The following VWF variants were observed in gnomAD, a reference collection of about 807,000 sequenced individuals.
The protein encoded by VWF is Factor VIII related antigen.
In VWF, 176 loss-of-function variants were observed where a neutral mutation model predicts 308.6. The ratio of observed to expected loss-of-function variants is 0.57; its 90% CI spans 0.50 to 0.65. The LOEUF (loss-of-function observed/expected upper bound fraction) is 0.65, where lower values mean the gene tolerates loss of function less well. Ranked by LOEUF, VWF falls within the 30% of genes least tolerant of loss-of-function variation. VWF has a pLI of 0.00. For missense variants in VWF, 3,146 were observed against 3,648.2 expected, an observed-to-expected ratio of 0.86 and a Z score of 3.55; for synonymous variants, 1,385 against 1,443.4, an observed-to-expected ratio of 0.96 and a Z score of 0.92.
chr12:5,972,983 T>G (rs148116124), intron 43 of VWF, among the ~76,000 whole-genome samples: 5 of 152,322 alleles, frequency 3.3e-5, no homozygotes, highest in Non-Finnish European at 4.4e-5. Context: ...GAGATTCGCA[T>G]ATTATTTTTG....
At position 6,060,899 on chromosome 12, in the gene VWF, G is replaced by A. The variant is rs913999887; in HGVS notation, c.1533+2055C>T. ...CACCCTCTCTGTGAGGTGGGAAGAT[G>A]CTGAGAAAGTGGACTGGCTGGCCGG... On this transcript the variant is annotated intron_variant, in intron 13 of 51. Transcript: ENST00000261405. This position sits in a 1 kb window ranked among gnomAD's most constrained non-coding sequence, Gnocchi z 5.1. Among the ~76,000 whole-genome samples the A allele has an allele frequency of 6.6e-6, 1 of 152,176 alleles. No individual in the cohort carries two copies. The highest frequency in any genetic ancestry group is 2.4e-5 in the African/African-American group (1 of 41,452).
Position 6,022,604 on chromosome 12 carries a change from C to T in VWF, c.3538+136G>A, listed in dbSNP as rs530518941. 1.7e-3 allele frequency: 394 copies of T among 233,052 alleles called. 3 individuals are homozygous for T. The highest frequency in any genetic ancestry group is 0.01 in the African/African-American group (374 of 36,490). 14.4% of individuals were successfully genotyped at this position (233,052 alleles called of 1,614,324 possible). On this transcript the variant is annotated intron_variant, in intron 26 of 51. Transcript: ENST00000261405. ...GTCCTGACTCTGATGAAAGAACCCA[C>T]GGAACCTGCAGCAGCCTTGCAGGTC...
chr12:6,095,771 C>A (rs1945099672), intron 5 of VWF, 187 bp from the exon 6 acceptor site: 1 of 756,218 alleles, frequency 1.3e-6, no homozygotes. Context: ...CACTACTGAG[C>A]AGCACAGGAG....
chr12:5,991,126 T>C (rs1295103397), intron 38 of VWF, among the ~76,000 whole-genome samples: 2 of 150,660 alleles, frequency 1.3e-5, no homozygotes, highest in South Asian at 2.1e-4. Context: ...TGACACAGGA[T>C]ACAATAATGT....
At chr12:6,057,701 G>C in intron 14 of VWF, 148 bp downstream of exon 14, 1 of 915,588 alleles carries the variant, frequency 1.1e-6, no homozygotes, top group Non-Finnish European at 1.6e-6. Flanking sequence ...AGATGATCAA[G>C]TGCTGACGGT....
rs1481290680 is a variant in VWF at position 6,011,867 on chromosome 12, A to C, written c.5665-73T>G. ...CCAACTCTAAGCCCATCTGCCAGAC[A>C]ACTGACCCCTAGAATTGAACACAGG... is the stretch of plus-strand genomic sequence containing the variant. On this transcript the variant is annotated intron_variant, in intron 33 of 51. Transcript: ENST00000261405. 8.4e-6 allele frequency: 12 copies of C among 1,433,834 alleles called. No individual in the cohort carries two copies. In the East Asian group the frequency reaches 2.7e-4, roughly 33 times the overall value. 88.8% of individuals were successfully genotyped at this position (1,433,834 alleles called of 1,614,324 possible). A position where few individuals can be genotyped will look rare whatever the true frequency, so the allele number is the denominator to read the frequency against.
chr12:6,034,841 G>C lies in VWF; in HGVS notation c.2547-15C>G. 1 of 1,613,278 alleles carries C rather than the reference G, an allele frequency of 6.2e-7. No individual in the cohort carries two copies. The highest frequency in any genetic ancestry group is 2.2e-5 in the East Asian group (1 of 44,850). On this transcript the variant is annotated splice_polypyrimidine_tract_variant and intron_variant, in intron 19 of 51. Transcript: ENST00000261405. ...CCTGACAGACACTAGGAGCAGTCATGGCAGAGATGACAAGTTGGGCACCTT... is the reference window on the plus strand; with the variant it reads ...CCTGACAGACACTAGGAGCAGTCATCGCAGAGATGACAAGTTGGGCACCTT...
At chr12:6,082,554 C>A (rs1459675982) in intron 6 of VWF, among the ~76,000 whole-genome samples, 1 of 152,220 alleles carries the variant, frequency 6.6e-6, no homozygotes, top group Non-Finnish European at 1.5e-5. Context: ...TGAACTGTAA[C>A]CTAACTGGAG....
intron 3 of VWF, among the ~76,000 whole-genome samples, chr12:6,118,165 G>A (rs866958352): frequency 2.0e-5 from 3 of 152,064 alleles, no homozygotes; most frequent in Admixed American, 2.0e-4. Flanking sequence ...GGGGAAGGGA[G>A]CTTTTTCAAC....
chr12:5,993,722 A>T (rs540505903), intron 37 of VWF, 140 bp downstream of exon 37: 14 of 705,696 alleles, frequency 2.0e-5, no homozygotes, highest in African/African-American at 3.6e-5. Flanking sequence ...ATCTTATTTG[A>T]TCCTAACTGG....
chr12:5,983,739 T>A (rs1242080721), intron 40 of VWF, among the ~76,000 whole-genome samples: 2 of 149,264 alleles, frequency 1.3e-5, no homozygotes, highest in African/African-American at 4.9e-5. Flanking sequence ...GTTAGATAGA[T>A]TAGACAGACA....
At chr12:6,084,582 G>C (rs1421213286) in intron 6 of VWF, among the ~76,000 whole-genome samples, 1 of 152,174 alleles carries the variant, frequency 6.6e-6, no homozygotes, top group Non-Finnish European at 1.5e-5. Context: ...CAGGAGGAGA[G>C]AAAGCAGAGC....
intron 5 of VWF, among the ~76,000 whole-genome samples, chr12:6,100,806 TG>T (rs1463960759): frequency 1.3e-5 from 2 of 152,240 alleles, no homozygotes; most frequent in Admixed American, 1.3e-4. Context: ...GACGAGTTAA[TG>T]GGTGCAGCAC....
chr12:5,956,774 CA>C (rs1943256538), intron 47 of VWF, among the ~76,000 whole-genome samples: 1 of 151,686 alleles, frequency 6.6e-6, no homozygotes, highest in Non-Finnish European at 1.5e-5. Flanking sequence ...AGTGTTATTA[CA>C]AGAATCAAAA....
intron 18 of VWF, among the ~76,000 whole-genome samples, chr12:6,039,348 C>T (rs1402721430): frequency 6.6e-6 from 1 of 152,178 alleles, no homozygotes; most frequent in Non-Finnish European, 1.5e-5. Context: ...GGTCTTGTTA[C>T]CTTTCTCTGA....
intron 27 of VWF, 31 bp downstream of exon 27, chr12:6,021,869 T>A (rs754106010): frequency 6.2e-6 from 10 of 1,614,004 alleles, no homozygotes; most frequent in South Asian, 3.3e-5. Flanking sequence ...ATAAGATTCA[T>A]CACTTCAAAC....
At position 6,096,503 on chromosome 12, in the gene VWF, A is replaced by G. The variant is rs577593484; in HGVS notation, c.533-919T>C. Reference sequence around the variant, plus strand: ...TTCTTTTTGCTCATATTCATCTCCCATTCAACTGTGAGCTCCTTACTTAAG... The same window carrying G: ...TTCTTTTTGCTCATATTCATCTCCCGTTCAACTGTGAGCTCCTTACTTAAG... On this transcript the variant is annotated intron_variant, in intron 5 of 51. Transcript: ENST00000261405. Among the ~76,000 whole-genome samples, 139 of 152,260 alleles carry G rather than the reference A, an allele frequency of 9.1e-4. 1 individual carries two copies. The highest frequency in any genetic ancestry group is 1.8e-3 in the Non-Finnish European group (122 of 68,006).
intron 6 of VWF, among the ~76,000 whole-genome samples, chr12:6,090,020 C>T (rs1049178518): frequency 1.3e-5 from 2 of 152,040 alleles, no homozygotes; most frequent in African/African-American, 4.8e-5. Context: ...TGCAGTAGTG[C>T]AATCTCGGCT....
chr12:6,002,471 C>T (rs1359778298), intron 34 of VWF, among the ~76,000 whole-genome samples: 24 of 151,622 alleles, frequency 1.6e-4, no homozygotes, highest in Admixed American at 1.6e-3. Flanking sequence ...TATATACAAA[C>T]AATAAACAAA....
Sources: allele counts gnomAD v4.1 joint callset (sites outside exome capture counted in the v4.1 genomes callset), GRCh38; gene constraint gnomAD v4.1.1; non-coding constraint Gnocchi (gnomAD v3.1); transcripts MANE v1.5; gene names NCBI Gene and HGNC (gene_info 2026-07-23, HGNC 2026-07-21).